Variants in MDGA2 observed in about 807,000 individuals in gnomAD.
The protein encoded by MDGA2 is MAM domain-containing glycosylphosphatidylinositol anchor protein 2.
MDGA2 carries 40 observed loss-of-function variants against 117.8 expected under a neutral mutation model. That is an observed-to-expected ratio of 0.34 (90% CI 0.26 to 0.44). The LOEUF (loss-of-function observed/expected upper bound fraction) is 0.44. Among genes scored for constraint, MDGA2 ranks in the 20% least tolerant of loss-of-function variants. The pLI is 1.00. For synonymous variants in MDGA2, 452 were observed against 439.0 expected, an observed-to-expected ratio of 1.03 and a Z score of -0.37; for missense variants, 1,123 against 1,250.6, an observed-to-expected ratio of 0.90 and a Z score of 1.54.
chr14:47,498,288 A>G (rs1174269946), intron 1 of MDGA2, among the ~76,000 whole-genome samples: 1 of 152,144 alleles, frequency 6.6e-6, no homozygotes, highest in Admixed American at 6.6e-5. Flanking sequence ...TTTCATTTCC[A>G]TAGACTATTC....
chr14:47,553,729 T>C (rs906410940), intron 1 of MDGA2, among the ~76,000 whole-genome samples: 3 of 112,964 alleles, frequency 2.7e-5, no homozygotes, highest in Non-Finnish European at 5.5e-5. Flanking sequence ...AACAATACTA[T>C]AGGATATAGT....
At chr14:47,026,984 C>A (rs983118408) in intron 8 of MDGA2, among the ~76,000 whole-genome samples, 1 of 151,684 alleles carries the variant, frequency 6.6e-6, no homozygotes. Context: ...CCAGGCTGGG[C>A]AACATAGCAA....
chr14:47,022,741 T>G (rs1433792174), intron 8 of MDGA2, among the ~76,000 whole-genome samples: 2 of 152,132 alleles, frequency 1.3e-5, no homozygotes, highest in African/African-American at 4.8e-5. Context: ...TTAAGGATAT[T>G]CATGACATAG....
intron 2 of MDGA2, among the ~76,000 whole-genome samples, chr14:47,274,837 C>T (rs960050443): frequency 2.0e-5 from 3 of 152,184 alleles, no homozygotes; most frequent in Admixed American, 6.6e-5. Flanking sequence ...ATGTATTTTA[C>T]GCACTTATTG....
At chr14:47,359,760 A>AG (rs1335167946) in intron 1 of MDGA2, among the ~76,000 whole-genome samples, 1 of 151,246 alleles carries the variant, frequency 6.6e-6, no homozygotes, top group East Asian at 1.9e-4. Context: ...AAAAAAAAAA[A>AG]AAAAAAGAAA....
At chr14:47,549,757 T>C (rs1950395) in intron 1 of MDGA2, among the ~76,000 whole-genome samples, 94,588 of 151,840 alleles carry the variant, frequency 0.62, 30,586 homozygotes, top group East Asian at 0.99. Context: ...AGCACTCTTT[T>C]GCTCTCATAC....
At chr14:47,459,638 A>G (rs141523420) in intron 1 of MDGA2, among the ~76,000 whole-genome samples, 296 of 136,730 alleles carry the variant, frequency 2.2e-3, no homozygotes, top group Middle Eastern at 3.8e-3. Flanking sequence ...TTTTATTTTT[A>G]TCAGTAGGAG....
At chr14:47,407,756 T>A (rs913175615) in intron 1 of MDGA2, among the ~76,000 whole-genome samples, 2 of 152,198 alleles carry the variant, frequency 1.3e-5, no homozygotes, top group African/African-American at 4.8e-5. Context: ...ATGAGAGTTA[T>A]TTGTTTATTC....
intron 4 of MDGA2, among the ~76,000 whole-genome samples, chr14:47,134,188 G>A (rs1006568293): frequency 2.6e-5 from 4 of 152,030 alleles, no homozygotes; most frequent in African/African-American, 9.7e-5. Flanking sequence ...AGTACCCAGA[G>A]AGTAGAGATT....
chr14:47,575,114 T>C (rs1013291269), intron 1 of MDGA2, among the ~76,000 whole-genome samples: 2 of 152,226 alleles, frequency 1.3e-5, no homozygotes, highest in Non-Finnish European at 2.9e-5. Context: ...ATTACTTTTC[T>C]GAGTAGATAA....
At chr14:47,062,338 C>T (rs6572399) in intron 6 of MDGA2, among the ~76,000 whole-genome samples, 13,039 of 151,952 alleles carry the variant, frequency 0.086, 725 homozygotes, top group Admixed American at 0.14. Flanking sequence ...AAAGGCAGTG[C>T]TGTTTTCACA....
At chr14:47,387,487 C>G (rs1891788503) in intron 1 of MDGA2, among the ~76,000 whole-genome samples, 1 of 152,108 alleles carries the variant, frequency 6.6e-6, no homozygotes, top group Admixed American at 6.6e-5. Context: ...CTCTTATGCC[C>G]ACACAACCCC....
At chr14:47,309,545 T>C (rs1360568085) in intron 1 of MDGA2, among the ~76,000 whole-genome samples, 1 of 152,124 alleles carries the variant, frequency 6.6e-6, no homozygotes, top group East Asian at 1.9e-4. Context: ...GTAGCATTGT[T>C]ATAAAGTAAC....
chr14:47,269,407 G>T (rs1888072302), intron 2 of MDGA2, among the ~76,000 whole-genome samples: 1 of 152,068 alleles, frequency 6.6e-6, no homozygotes, highest in Non-Finnish European at 1.5e-5. Context: ...TTCATAGAAT[G>T]AGTGTATAAT....
intron 1 of MDGA2, among the ~76,000 whole-genome samples, chr14:47,389,597 C>T (rs1455823347): frequency 1.8e-5 from 1 of 54,252 alleles, no homozygotes; most frequent in South Asian, 1.1e-3. Context: ...AAAACACACA[C>T]ACACACACCC....
chr14:47,580,942 T>C (rs1896218512), intron 1 of MDGA2, among the ~76,000 whole-genome samples: 1 of 151,998 alleles, frequency 6.6e-6, no homozygotes, highest in Non-Finnish European at 1.5e-5. Flanking sequence ...TTGTGTCATT[T>C]TAGAAAAGAA....
chr14:47,526,112 GTTCT>G (rs1894968026), intron 1 of MDGA2, among the ~76,000 whole-genome samples: 1 of 151,922 alleles, frequency 6.6e-6, no homozygotes, highest in Non-Finnish European at 1.5e-5. Flanking sequence ...TCAGATTCCA[GTTCT>G]TTAAGAAAAT....
intron 9 of MDGA2, among the ~76,000 whole-genome samples, chr14:46,929,579 ACGTGTG>A (rs1384888776): frequency 2.7e-5 from 1 of 37,678 alleles, no homozygotes; most frequent in African/African-American, 1.2e-4. Flanking sequence ...AAGTATATAT[ACGTGTG>A]TGTGTGTGTG....
chr14:47,111,194 T>C (rs1247867593), intron 5 of MDGA2, among the ~76,000 whole-genome samples: 1 of 152,120 alleles, frequency 6.6e-6, no homozygotes, highest in African/African-American at 2.4e-5. Flanking sequence ...TGAGAAACCA[T>C]TTAGAAACAC....
Sources: gnomAD v4.1 joint callset for allele counts (sites outside exome capture counted in the v4.1 genomes callset) on GRCh38, gnomAD v4.1.1 for gene constraint, MANE v1.5 for transcripts, NCBI Gene and HGNC (gene_info 2026-07-23, HGNC 2026-07-21) for gene names.